The following COL11A1 variants were observed in gnomAD, a reference collection of about 807,000 sequenced individuals.
COL11A1 encodes collagen alpha-1(XI) chain.
Under a neutral mutation model 265.2 loss-of-function variants are expected in COL11A1, and 74 were observed. The ratio of observed to expected loss-of-function variants is 0.28; its 90% CI spans 0.23 to 0.34. The LOEUF (loss-of-function observed/expected upper bound fraction) is 0.34. Among genes scored for constraint, COL11A1 ranks in the 10% least tolerant of loss-of-function variants. COL11A1 has a pLI of 1.00. For synonymous variants in COL11A1, 816 were observed against 727.6 expected (o/e 1.12, Z -1.96); for missense variants, 2,165 against 2,263.6 (o/e 0.96, Z 0.88).
rs1215336596 is a variant in COL11A1 at position 102,979,054 on chromosome 1, A to T, written c.2655+6T>A. On this transcript the variant is annotated splice_donor_region_variant and intron_variant, in intron 33 of 66. Coordinates refer to ENST00000370096, the MANE Select transcript of COL11A1 (RefSeq NM_001854.4). ...AATGTACATCATTTTAAATCAAGGC[A>T]CCTACCGTTGGACCACGCTGACCCC... 4 of 1,614,066 alleles carry T rather than the reference A, an allele frequency of 2.5e-6. No homozygotes were observed. The highest frequency in any genetic ancestry group is 2.2e-5 in the South Asian group (2 of 91,086).
chr1:102,950,725 T>G (rs1659795509), intron 41 of COL11A1, among the ~76,000 whole-genome samples: 1 of 152,190 alleles, frequency 6.6e-6, no homozygotes, highest in Non-Finnish European at 1.5e-5. Flanking sequence ...CCAGCCTCTT[T>G]TTTTTGACCC....
Position 103,022,851 on chromosome 1 carries a change from C to T in COL11A1, c.1136G>A (p.Gly379Asp). ...DSDLLVDGDL[G>D]EYDFYEYKEY... ...TTTATATTCATAAAAATCATATTCGCCTAAATCTCCATCTACCAGAAGATC... is the reference window on the plus strand; with the variant it reads ...TTTATATTCATAAAAATCATATTCGTCTAAATCTCCATCTACCAGAAGATC... The change falls in exon 8 of 67, where the codon GGC becomes GAC. Residue 379 changes from glycine (G) to aspartate (D), a missense_variant. Physicochemically the swap from Gly to Asp is moderately conservative, Grantham distance 94. Coordinates refer to ENST00000370096, the MANE Select transcript of COL11A1 (RefSeq NM_001854.4). 2 of 1,613,872 alleles carry T rather than the reference C, an allele frequency of 1.2e-6. No individual in the cohort carries two copies. The highest frequency in any genetic ancestry group is 1.7e-6 in the Non-Finnish European group (2 of 1,179,940).
At chr1:102,973,567 A>C (rs1356716573) in intron 36 of COL11A1, among the ~76,000 whole-genome samples, 1 of 152,202 alleles carries the variant, frequency 6.6e-6, no homozygotes, top group African/African-American at 2.4e-5. Context: ...ATGTTTATAA[A>C]AATATACATA....
chr1:102,914,584 T>C (rs1166650249), intron 51 of COL11A1, 120 bp downstream of exon 51: 9 of 976,802 alleles, frequency 9.2e-6, no homozygotes, highest in Non-Finnish European at 1.3e-5. Context: ...ATATATGAAA[T>C]GATGAAAAGT....
At chr1:103,049,765 TC>T (rs1669634807) in intron 4 of COL11A1, among the ~76,000 whole-genome samples, 1 of 152,214 alleles carries the variant, frequency 6.6e-6, no homozygotes, top group South Asian at 2.1e-4. Flanking sequence ...GTTTAGTGCT[TC>T]CTTCAGGAGC....
At chr1:102,917,775 T>G (rs934470676) in intron 49 of COL11A1, among the ~76,000 whole-genome samples, 2 of 151,834 alleles carry the variant, frequency 1.3e-5, no homozygotes, top group African/African-American at 4.8e-5. Flanking sequence ...AATTTATGTA[T>G]GTGCTTTCTA....
intron 1 of COL11A1, among the ~76,000 whole-genome samples, chr1:103,096,562 T>A (rs1028176814): frequency 6.6e-6 from 1 of 151,994 alleles, no homozygotes; most frequent in Non-Finnish European, 1.5e-5. Context: ...CAGTCAAGTA[T>A]GCAAGTCTGA....
intron 1 of COL11A1, among the ~76,000 whole-genome samples, chr1:103,093,470 A>G (rs1194508646): frequency 2.6e-5 from 4 of 152,140 alleles, no homozygotes; most frequent in Non-Finnish European, 5.9e-5. Context: ...TTTATTAGTA[A>G]GAAAGAAAAG....
At position 103,059,792 on chromosome 1, in the gene COL11A1, G is replaced by A. The variant is rs1048405111; in HGVS notation, c.651+14826C>T. On this transcript the variant is annotated intron_variant, in intron 4 of 66. Transcript: ENST00000370096. ...GCTAAGGAAAGAATCTGAGTTTGAGGAGGTGATAATCAAAACTTCCAAAAC... is the reference window on the plus strand; with the variant it reads ...GCTAAGGAAAGAATCTGAGTTTGAGAAGGTGATAATCAAAACTTCCAAAAC... Among the ~76,000 whole-genome samples the A allele has an allele frequency of 2.6e-5, 4 of 152,088 alleles. 1 individual carries two copies. The highest frequency in any genetic ancestry group is 2.6e-4 in the Admixed American group (4 of 15,250).
intron 44 of COL11A1, among the ~76,000 whole-genome samples, chr1:102,935,865 T>A (rs1658087748): frequency 6.6e-6 from 1 of 152,188 alleles, no homozygotes; most frequent in Non-Finnish European, 1.5e-5. Context: ...CTTGATATGC[T>A]TTTAGGATTC....
chr1:103,032,110 C>T (rs1210296756), intron 4 of COL11A1, among the ~76,000 whole-genome samples: 1 of 152,016 alleles, frequency 6.6e-6, no homozygotes, highest in Non-Finnish European at 1.5e-5. Flanking sequence ...CATATTAATT[C>T]AGAATTACAC....
intron 63 of COL11A1, among the ~76,000 whole-genome samples, chr1:102,885,309 G>A (rs1650829783): frequency 1.3e-5 from 2 of 151,898 alleles, no homozygotes; most frequent in Admixed American, 1.3e-4. Flanking sequence ...ATACTGAGAA[G>A]GAAAGGAATC....
chr1:103,054,711 C>T (rs578258237), intron 4 of COL11A1, among the ~76,000 whole-genome samples: 44 of 151,904 alleles, frequency 2.9e-4, no homozygotes, highest in African/African-American at 1.0e-3. Flanking sequence ...AGACCAGCCT[C>T]GCCAACGTGG....
At chr1:103,098,617 G>T (rs890136741) in intron 1 of COL11A1, among the ~76,000 whole-genome samples, 1 of 151,778 alleles carries the variant, frequency 6.6e-6, no homozygotes, top group East Asian at 1.9e-4. Flanking sequence ...TCTAGATATG[G>T]TGACAGATGC....
At chr1:102,907,769 T>C (rs987678561) in intron 54 of COL11A1, among the ~76,000 whole-genome samples, 1 of 152,040 alleles carries the variant, frequency 6.6e-6, no homozygotes, top group East Asian at 1.9e-4. Context: ...GCATCTGTAG[T>C]GCATTTATTT....
intron 29 of COL11A1, among the ~76,000 whole-genome samples, chr1:102,988,870 T>C (rs1399415713): frequency 6.6e-6 from 1 of 152,150 alleles, no homozygotes; most frequent in African/African-American, 2.4e-5. Flanking sequence ...ATGGATGTTA[T>C]TGCCCCCAAT....
intron 65 of COL11A1, 200 bp from the exon 66 acceptor site, chr1:102,880,116 A>G (rs1650042207): frequency 3.5e-6 from 2 of 565,906 alleles, no homozygotes. Flanking sequence ...TATCCCACCT[A>G]AGTTACTGTA....
At chr1:103,015,529 C>T in intron 12 of COL11A1, 139 bp downstream of exon 12, 1 of 602,146 alleles carries the variant, frequency 1.7e-6, no homozygotes. Flanking sequence ...CCTGAATTTC[C>T]AAATGCTGCT....
intron 41 of COL11A1, among the ~76,000 whole-genome samples, chr1:102,951,748 ATAAAATAAAAT>A (rs1169783939): frequency 9.8e-6 from 1 of 101,532 alleles, no homozygotes; most frequent in Non-Finnish European, 2.2e-5. Flanking sequence ...TCTTAAAAAA[ATAAAATAAAAT>A]AAAATAAAAT....
Sources: allele counts gnomAD v4.1 joint callset (sites outside exome capture counted in the v4.1 genomes callset), GRCh38; gene constraint gnomAD v4.1.1; transcripts MANE v1.5; gene names NCBI Gene and HGNC (gene_info 2026-07-23, HGNC 2026-07-21).